MYOC: variants seen among roughly 807,000 people sequenced by gnomAD.
MYOC encodes myocilin, also known as juvenile-onset open-angle glaucoma 1.
A neutral mutation model predicts 28.2 loss-of-function variants in MYOC; 29 were observed. The observed-to-expected ratio is 1.03, with a 90% CI of 0.77 to 1.40. The LOEUF (loss-of-function observed/expected upper bound fraction) is 1.40. Among genes scored for constraint, MYOC ranks in the 40% most tolerant of loss-of-function variants. MYOC has a pLI of 0.00. For synonymous variants in MYOC, 240 were observed against 245.6 expected (o/e 0.98, Z 0.21); for missense variants, 569 against 620.6 (o/e 0.92, Z 0.88).
chr1:171,649,717 C>A (rs1653309719), intron 1 of MYOC, among the ~76,000 whole-genome samples: 1 of 152,162 alleles, frequency 6.6e-6, no homozygotes, highest in Non-Finnish European at 1.5e-5. Context: ...ATTGCTTGAA[C>A]CCGGGAGGCA....
rs1378048690 is a variant in MYOC, at chr1:171,635,988, C to T, written c.1452G>A (p.Lys484=). The part of the protein sequence containing the change: ...SSMIDYNPLE[K]KLFAWDNLNM... ...TCAAGTTGTCCCAGGCAAAGAGCTTCTTCTCCAGGGGGTTGTAGTCAATCA... is the reference window on the plus strand; with the variant it reads ...TCAAGTTGTCCCAGGCAAAGAGCTTTTTCTCCAGGGGGTTGTAGTCAATCA... Residue 484 remains lysine, a synonymous_variant, in exon 3 of 3, where the codon AAG becomes AAA. Coordinates refer to ENST00000037502, the MANE Select transcript of MYOC (RefSeq NM_000261.2). 2 of 1,614,074 alleles carry T rather than the reference C, an allele frequency of 1.2e-6. No individual in the cohort carries two copies. The highest frequency in any genetic ancestry group is 2.7e-5 in the African/African-American group (2 of 74,934).
In MYOC at chr1:171,652,572, C is replaced by G; in HGVS notation, c.40G>C (p.Glu14Gln). ...AGCAGCAGCTGGACAGCTGGCATCT[C>G]AGGCCCAAAGCTGCAGCAACGTGCA... ...FCARCCSFGP[E>Q]MPAVQLLLLA... Residue 14 changes from glutamate to glutamine, a missense_variant, in exon 1 of 3, where the codon GAG becomes CAG. Physicochemically the swap from Glu to Gln is conservative, Grantham distance 29 (BLOSUM62 2). Coordinates refer to ENST00000037502, the MANE Select transcript of MYOC (RefSeq NM_000261.2). 4 of 1,614,234 alleles carry G rather than the reference C, an allele frequency of 2.5e-6. No individual in the cohort carries two copies. Among genetic ancestry groups the G allele is most frequent in the Non-Finnish European group, 3.4e-6 (4 of 1,180,040 alleles).
In MYOC at chr1:171,636,602, AG is replaced by A. The variant is rs759863280; in HGVS notation, c.837del (p.Tyr280ThrfsTer66). ...VWMRDPKPTY[P>X]YTQETTWRID... is the part of the protein sequence containing the mutation. ...ATTCTCCACGTGGTCTCCTGGGTGTAGGGGTAGGTGGGCTTGGGGTCTCGCA... is the reference window on the plus strand; with the variant it reads ...ATTCTCCACGTGGTCTCCTGGGTGTAGGGTAGGTGGGCTTGGGGTCTCGCA... On this transcript the variant is annotated frameshift_variant, in exon 3 of 3. Transcript: ENST00000037502. LOFTEE classifies it low-confidence loss of function (END_TRUNC). 1 of 1,613,300 alleles carries A rather than the reference AG, an allele frequency of 6.2e-7. No homozygotes were observed. The highest frequency in any genetic ancestry group is 8.5e-7 in the Non-Finnish European group (1 of 1,179,580).
Position 171,636,483 on chromosome 1 carries a change from AG to A in MYOC, c.956del (p.Pro319LeufsTer27), listed in dbSNP as rs766321647. 1 of 1,613,808 alleles carries A rather than the reference AG, an allele frequency of 6.2e-7. No individual in the cohort carries two copies. Among genetic ancestry groups the A allele is most frequent in the Non-Finnish European group, 8.5e-7 (1 of 1,179,874 alleles). On this transcript the variant is annotated frameshift_variant, in exon 3 of 3. Coordinates refer to ENST00000037502, the MANE Select transcript of MYOC (RefSeq NM_000261.2). LOFTEE classifies it low-confidence loss of function (END_TRUNC). ...CAGCACCCGTGCTTTCCAGTGGCCT[AG>A]GCAGTATGTGAACCTTAGAAGGGTA... is the stretch of plus-strand genomic sequence containing the variant. ...QGYPSKVHILPRPLESTGAVV... is the reference protein window; with the variant it reads ...QGYPSKVHILXRPLESTGAVV...
chr1:171,651,132 C>T (rs1653340992), intron 1 of MYOC, among the ~76,000 whole-genome samples: 1 of 152,146 alleles, frequency 6.6e-6, no homozygotes, highest in Non-Finnish European at 1.5e-5. Flanking sequence ...ATAGAACAAG[C>T]CCTTCCCCAC....
chr1:171,644,896 C>T (rs1192614278), intron 1 of MYOC, among the ~76,000 whole-genome samples: 1 of 152,156 alleles, frequency 6.6e-6, no homozygotes, highest in Non-Finnish European at 1.5e-5. Flanking sequence ...AAGTAACATG[C>T]CCAAGGTCAC....
At chr1:171,650,546 T>TA (rs1337714441) in intron 1 of MYOC, among the ~76,000 whole-genome samples, 1 of 152,202 alleles carries the variant, frequency 6.6e-6, no homozygotes. Flanking sequence ...TTTGTTATGT[T>TA]ATGGACAAGA....
chr1:171,637,029 C>T (rs1430872389), intron 2 of MYOC, among the ~76,000 whole-genome samples: 1 of 152,126 alleles, frequency 6.6e-6, no homozygotes, highest in Non-Finnish European at 1.5e-5. Context: ...GCTATATGAT[C>T]AATCTGTGTT....
chr1:171,642,910 C>T (rs1202150013), intron 1 of MYOC, among the ~76,000 whole-genome samples: 1 of 143,706 alleles, frequency 7.0e-6, no homozygotes, highest in Non-Finnish European at 1.5e-5. Flanking sequence ...AAAAAAGACA[C>T]AATCAGTCCA....
At chr1:171,637,394 T>A (rs1652950355) in intron 2 of MYOC, among the ~76,000 whole-genome samples, 1 of 152,112 alleles carries the variant, frequency 6.6e-6, no homozygotes, top group Non-Finnish European at 1.5e-5. Flanking sequence ...TGAGACAGGG[T>A]CTTGCACTGT....
chr1:171,646,344 T>C (rs1572214799), intron 1 of MYOC, among the ~76,000 whole-genome samples: 1 of 152,290 alleles, frequency 6.6e-6, no homozygotes. Flanking sequence ...AATAAAGATG[T>C]GTCAACACTA....
chr1:171,636,687 T>C lies in MYOC; in HGVS notation c.753A>G (p.Val251=), dbSNP rs1479836917. The change falls in exon 3 of 3, where the codon GTA becomes GTG. Residue 251 remains valine, a synonymous_variant. Transcript: ENST00000037502. The stretch of plus-strand genomic sequence containing the variant: ...CTGTTCTCAGCGTGAGAGGCTCTCC[T>C]ACCCAAACTAGTTCTCCACATCCTG... ...GDTGCGELVW[V]GEPLTLRTAE... 1 of 1,602,826 alleles carries C rather than the reference T, an allele frequency of 6.2e-7. No individual in the cohort carries two copies. The highest frequency in any genetic ancestry group is 1.1e-5 in the South Asian group (1 of 91,090).
In MYOC at chr1:171,636,552, G is replaced by A; in HGVS notation, c.888C>T (p.Arg296=). ...TGATGAGGTCATACTCAAAAACCTG[G>A]CGGACATCCGTGCCAACTGTGTCGA... is the stretch of plus-strand genomic sequence containing the variant. ...WRIDTVGTDV[R]QVFEYDLISQ... The change falls in exon 3 of 3, where the codon CGC becomes CGT. Residue 296 remains arginine, a synonymous_variant. Transcript: ENST00000037502. The A allele has an allele frequency of 6.2e-7, 1 of 1,608,994 alleles. No homozygotes were observed. The highest frequency in any genetic ancestry group is 1.1e-5 in the South Asian group (1 of 90,750).
chr1:171,639,449 C>T (rs1653018840), intron 1 of MYOC, among the ~76,000 whole-genome samples: 1 of 151,980 alleles, frequency 6.6e-6, no homozygotes, highest in Non-Finnish European at 1.5e-5. Context: ...CAGTCCTCAG[C>T]ATCTTCTTAG....
chr1:171,638,683 A>T lies in MYOC; in HGVS notation c.644T>A (p.Leu215Gln). Residue 215 changes from leucine (L) to glutamine (Q), a missense_variant, in exon 2 of 3, where the codon CTG becomes CAG. Coordinates refer to ENST00000037502, the MANE Select transcript of MYOC (RefSeq NM_000261.2). ...AGGAACTTCAGTTAGCTCGGACTTCAGTTCCTGGAAGGCCAAAGTGTCCAA... is the reference window on the plus strand; with the variant it reads ...AGGAACTTCAGTTAGCTCGGACTTCTGTTCCTGGAAGGCCAAAGTGTCCAA... ...WNLDTLAFQE[L>Q]KSELTEVPAS... 2 of 1,614,164 alleles carry T rather than the reference A, an allele frequency of 1.2e-6. No individual in the cohort carries two copies. The highest frequency in any genetic ancestry group is 1.7e-6 in the Non-Finnish European group (2 of 1,179,992).
rs746210903 is a variant in MYOC at position 171,652,253 on chromosome 1, TC to T, written c.358del (p.Glu120SerfsTer5). ...PQETQEGLQR[E>X]LGTLRRERDQ... ...CCGCTCCCGCCTCAGGGTGCCCAGC[TC>T]CCTCTGCAGCCCCTCCTGGGTCTCC... On this transcript the variant is annotated frameshift_variant, in exon 1 of 3. Transcript: ENST00000037502. LOFTEE classifies it high-confidence loss of function. The T allele has an allele frequency of 6.2e-6, 10 of 1,614,132 alleles. No homozygotes were observed. In the South Asian group the frequency reaches 1.1e-4, roughly 18 times the overall value.
At chr1:171,640,080 G>A (rs1472166495) in intron 1 of MYOC, among the ~76,000 whole-genome samples, 1 of 72,256 alleles carries the variant, frequency 1.4e-5, no homozygotes, top group Non-Finnish European at 2.7e-5. Context: ...GGAGACTCCT[G>A]TTAAAAAAAA....
rs370230896 is a variant in MYOC, at chr1:171,652,628, G to T, written c.-17C>A. ...GAACCTCATTGCAGAGGCTTGGTGA[G>T]GCTTCCTCTGGAAAGCTCTGCTGTG... On this transcript the variant is annotated 5_prime_UTR_variant, in exon 1 of 3. Coordinates refer to ENST00000037502, the MANE Select transcript of MYOC (RefSeq NM_000261.2). The T allele has an allele frequency of 6.2e-7, 1 of 1,613,726 alleles. No individual in the cohort carries two copies. The highest frequency in any genetic ancestry group is 1.7e-5 in the Admixed American group (1 of 60,024).
At chr1:171,642,433 C>G (rs989235238) in intron 1 of MYOC, among the ~76,000 whole-genome samples, 14 of 151,914 alleles carry the variant, frequency 9.2e-5, no homozygotes, top group African/African-American at 3.4e-4. Context: ...GGCAACATAG[C>G]GAGACCCCAT....
Sources: allele counts gnomAD v4.1 joint callset (sites outside exome capture counted in the v4.1 genomes callset), GRCh38; gene constraint gnomAD v4.1.1; transcripts MANE v1.5; gene names NCBI Gene and HGNC (gene_info 2026-07-23, HGNC 2026-07-21).